CNTNAP5: variants seen among roughly 807,000 people sequenced by gnomAD.
The protein encoded by CNTNAP5 is contactin associated protein family member 5.
Under a neutral mutation model 150.2 loss-of-function variants are expected in CNTNAP5, and 72 were observed. The observed-to-expected ratio is 0.48, with a 90% confidence interval of 0.40 to 0.58. CNTNAP5 has a LOEUF of 0.58. Ranked by LOEUF, CNTNAP5 falls within the 20% of genes least tolerant of loss-of-function variation. CNTNAP5 has a pLI of 0.00. For missense variants in CNTNAP5, 1,636 were observed against 1,626.2 expected, an observed-to-expected ratio of 1.01 and a Z score of -0.10; for synonymous variants, 672 against 619.8, an observed-to-expected ratio of 1.08 and a Z score of -1.25.
At chr2:124,202,923 C>A (rs1390100749) in intron 1 of CNTNAP5, among the ~76,000 whole-genome samples, 4 of 152,110 alleles carry the variant, frequency 2.6e-5, no homozygotes, top group African/African-American at 4.8e-5. Flanking sequence ...CACCCCTGGC[C>A]CCTTCCAAAT....
intron 12 of CNTNAP5, among the ~76,000 whole-genome samples, chr2:124,616,822 G>C (rs572626485): frequency 1.3e-5 from 2 of 152,204 alleles, no homozygotes; most frequent in African/African-American, 4.8e-5. Context: ...GGAGGCCTAA[G>C]GAGAAGGAAA....
chr2:124,500,113 T>A lies in CNTNAP5; in HGVS notation c.1063-4179T>A, dbSNP rs180827511. 2.0e-5 allele frequency among the ~76,000 whole-genome samples: 3 copies of A among 151,746 alleles called. No homozygotes were observed. The East Asian group carries it at 5.8e-4, about 30-fold the overall frequency. On this transcript the variant is annotated intron_variant, in intron 7 of 23. Coordinates refer to ENST00000682447, the MANE Select transcript of CNTNAP5 (RefSeq NM_001367498.1). ...ATTTTACTCTATGCCCTCAACGGAG[T>A]GGATGATACCCACCCACATTGGGGA...
intron 1 of CNTNAP5, among the ~76,000 whole-genome samples, chr2:124,121,600 C>T (rs1027607540): frequency 3.3e-5 from 5 of 152,054 alleles, no homozygotes; most frequent in Admixed American, 6.6e-5. Flanking sequence ...TAGCAAATGT[C>T]GCTGTGGTCA....
chr2:124,890,497 C>T (rs1311779172), intron 21 of CNTNAP5, among the ~76,000 whole-genome samples: 2 of 152,100 alleles, frequency 1.3e-5, no homozygotes, highest in Non-Finnish European at 2.9e-5. Context: ...TGCCACCACC[C>T]TATCAGTGCT....
At chr2:124,895,608 G>C (rs911023461) in intron 21 of CNTNAP5, among the ~76,000 whole-genome samples, 2 of 151,662 alleles carry the variant, frequency 1.3e-5, no homozygotes, top group South Asian at 2.1e-4. Flanking sequence ...CTGGGTGACA[G>C]AGCAAGACCC....
chr2:124,265,340 C>T (rs552478184), intron 3 of CNTNAP5, among the ~76,000 whole-genome samples: 2 of 152,166 alleles, frequency 1.3e-5, no homozygotes, highest in Non-Finnish European at 2.9e-5. Context: ...TCCAAATGGG[C>T]GGCAGGGCAC....
chr2:124,180,282 G>T (rs181383518), intron 1 of CNTNAP5, among the ~76,000 whole-genome samples: 91 of 152,252 alleles, frequency 6.0e-4, no homozygotes, highest in Admixed American at 3.5e-3. Flanking sequence ...TATGATTCTC[G>T]AGAATCTATT....
chr2:124,751,023 C>T (rs1030049030), intron 14 of CNTNAP5, among the ~76,000 whole-genome samples: 13 of 150,076 alleles, frequency 8.7e-5, no homozygotes, highest in Admixed American at 3.3e-4. Flanking sequence ...CAAAAACTGC[C>T]ATGAGTTTTG....
chr2:124,713,319 CT>C (rs1558746950), intron 13 of CNTNAP5, among the ~76,000 whole-genome samples: 194 of 5,476 alleles, frequency 0.035, 23 homozygotes, highest in South Asian at 0.055. Flanking sequence ...TCTTTCTTTC[CT>C]TTCTTTCTTT....
intron 2 of CNTNAP5, among the ~76,000 whole-genome samples, chr2:124,224,022 T>G (rs1686396224): frequency 6.6e-6 from 1 of 151,914 alleles, no homozygotes; most frequent in Admixed American, 6.6e-5. Context: ...TCAGTGGTTC[T>G]CATCCCAGGG....
At chr2:124,327,517 A>G (rs758561574) in intron 3 of CNTNAP5, among the ~76,000 whole-genome samples, 1 of 152,062 alleles carries the variant, frequency 6.6e-6, no homozygotes, top group Non-Finnish European at 1.5e-5. Context: ...ACCAGCATTA[A>G]CATCAACACA....
chr2:124,377,682 G>GAA (rs1285406110), intron 3 of CNTNAP5, among the ~76,000 whole-genome samples: 1 of 90,142 alleles, frequency 1.1e-5, no homozygotes, highest in African/African-American at 4.5e-5. Flanking sequence ...TCTCAAAAAG[G>GAA]AAAAAAAAAA....
chr2:124,066,200 C>A (rs1682148608), intron 1 of CNTNAP5, among the ~76,000 whole-genome samples: 1 of 152,180 alleles, frequency 6.6e-6, no homozygotes, highest in Non-Finnish European at 1.5e-5. Flanking sequence ...TTTTTTCTTT[C>A]CCCACATCTT....
intron 3 of CNTNAP5, among the ~76,000 whole-genome samples, chr2:124,284,855 CAT>C (rs1688106666): frequency 6.6e-6 from 1 of 152,062 alleles, no homozygotes; most frequent in Non-Finnish European, 1.5e-5. Context: ...CCCAAGAACA[CAT>C]GAGTCAGTGG....
chr2:124,043,752 G>A lies in CNTNAP5; in HGVS notation c.82+18020G>A, dbSNP rs1443535514. 2.0e-5 allele frequency among the ~76,000 whole-genome samples: 3 copies of A among 152,084 alleles called. No homozygotes were observed. The East Asian group carries it at 5.8e-4, about 29-fold the overall frequency. ...AGTTTACAACAACATAAACCTCAAA[G>A]TCTAAAATGAAAGTACCAAAAAATT... On this transcript the variant is annotated intron_variant, in intron 1 of 23. Transcript: ENST00000682447.
rs867223634 is a variant in CNTNAP5, at chr2:124,195,403, G to T, written c.83-26302G>T. Among the ~76,000 whole-genome samples, 7 of 152,140 alleles carry T rather than the reference G, an allele frequency of 4.6e-5. No individual in the cohort carries two copies. The South Asian group carries it at 1.5e-3, about 32-fold the overall frequency. Reference sequence around the variant, plus strand: ...GGGGCTGCCAACTTCATCTATAAAAGGTCTAAGAGCCGTGAGCCAGAGGCT... The same window carrying T: ...GGGGCTGCCAACTTCATCTATAAAATGTCTAAGAGCCGTGAGCCAGAGGCT... On this transcript the variant is annotated intron_variant, in intron 1 of 23. Coordinates refer to ENST00000682447, the MANE Select transcript of CNTNAP5 (RefSeq NM_001367498.1).
intron 1 of CNTNAP5, among the ~76,000 whole-genome samples, chr2:124,169,882 C>T (rs901998327): frequency 1.3e-5 from 2 of 152,178 alleles, no homozygotes; most frequent in Non-Finnish European, 2.9e-5. Context: ...CCTTCAGAGC[C>T]TTACTCTTCC....
chr2:124,257,349 C>A (rs1320703510), intron 3 of CNTNAP5, among the ~76,000 whole-genome samples: 5 of 152,220 alleles, frequency 3.3e-5, no homozygotes, highest in East Asian at 1.9e-4. Context: ...CTGAACACAG[C>A]AGCCTGCACA....
At chr2:124,618,368 C>A (rs1299979673) in intron 12 of CNTNAP5, among the ~76,000 whole-genome samples, 1 of 152,028 alleles carries the variant, frequency 6.6e-6, no homozygotes, top group Non-Finnish European at 1.5e-5. Context: ...GTGGATCTCT[C>A]GTATGGCTTG....
Sources: allele counts gnomAD v4.1 joint callset (sites outside exome capture counted in the v4.1 genomes callset), GRCh38; gene constraint gnomAD v4.1.1; transcripts MANE v1.5; gene names NCBI Gene and HGNC (gene_info 2026-07-23, HGNC 2026-07-21).